Variants in CXCL13 observed in about 807,000 individuals in gnomAD.
CXCL13 encodes the protein C-X-C motif chemokine 13.
Under a neutral mutation model 12.2 loss-of-function variants are expected in CXCL13, and 7 were observed. The ratio of observed to expected loss-of-function variants is 0.57; its 90% CI spans 0.33 to 1.07. The LOEUF is 1.07. Among genes scored for constraint, CXCL13 ranks in the 50% least tolerant of loss-of-function variants. The pLI, the probability that CXCL13 is intolerant of heterozygous loss-of-function variation, is 0.04. For synonymous variants in CXCL13, 47 were observed against 42.4 expected (o/e 1.11, Z -0.42); for missense variants, 113 against 127.4 (o/e 0.89, Z 0.55).
intron 1 of CXCL13, among the ~76,000 whole-genome samples, chr4:77,532,579 T>A (rs1306185351): frequency 6.6e-6 from 1 of 152,188 alleles, no homozygotes; most frequent in African/African-American, 2.4e-5. Flanking sequence ...TTTCCTGAAT[T>A]TGAATGTTGG....
chr4:77,605,184 C>A (rs997152389), upstream of CXCL13, among the ~76,000 whole-genome samples: 1 of 152,176 alleles, frequency 6.6e-6, no homozygotes, highest in African/African-American at 2.4e-5. Context: ...TCCCTTCATG[C>A]AGACACAGGC....
chr4:77,524,551 C>G (rs902958564), intron 1 of CXCL13, among the ~76,000 whole-genome samples: 1 of 152,202 alleles, frequency 6.6e-6, no homozygotes, highest in Non-Finnish European at 1.5e-5. Context: ...ATCTTCTTGT[C>G]TGCCGGTGGC....
At chr4:77,576,332 C>CT (rs1726196157) in intron 1 of CXCL13, among the ~76,000 whole-genome samples, 1 of 152,130 alleles carries the variant, frequency 6.6e-6, no homozygotes, top group Non-Finnish European at 1.5e-5. Flanking sequence ...TATTTATGGC[C>CT]TTTAATAATT....
chr4:77,532,027 GA>G (rs1724940033), intron 1 of CXCL13, among the ~76,000 whole-genome samples: 1 of 152,118 alleles, frequency 6.6e-6, no homozygotes, highest in Admixed American at 6.6e-5. Flanking sequence ...CTTTTAATTG[GA>G]GCATTTAGCC....
chr4:77,525,968 T>A (rs1724754411), intron 1 of CXCL13, among the ~76,000 whole-genome samples: 1 of 151,568 alleles, frequency 6.6e-6, no homozygotes, highest in South Asian at 2.1e-4. Flanking sequence ...TAAATGCTAC[T>A]ACTGCAGGCC....
chr4:77,594,227 G>A (rs1726690300), intron 1 of CXCL13, among the ~76,000 whole-genome samples: 1 of 152,136 alleles, frequency 6.6e-6, no homozygotes, highest in South Asian at 2.1e-4. Context: ...CAGAGGACGA[G>A]AGGAGTGAGC....
chr4:77,552,428 G>A (rs1578050420), intron 1 of CXCL13, among the ~76,000 whole-genome samples: 1 of 152,326 alleles, frequency 6.6e-6, no homozygotes, highest in East Asian at 1.9e-4. Flanking sequence ...ACAAGCCATA[G>A]ATGGCACTTA....
intron 1 of CXCL13, among the ~76,000 whole-genome samples, chr4:77,535,283 A>C (rs1725033792): frequency 6.6e-6 from 1 of 152,206 alleles, no homozygotes; most frequent in Non-Finnish European, 1.5e-5. Flanking sequence ...AGGTGCCCTC[A>C]GTTGTGACAT....
At chr4:77,608,655 G>A (rs112338049) in intron 2 of CXCL13, among the ~76,000 whole-genome samples, 14 of 152,218 alleles carry the variant, frequency 9.2e-5, no homozygotes, top group African/African-American at 3.4e-4. Context: ...GTCACATTTT[G>A]TTACCAGTGC....
At chr4:77,532,974 G>A (rs1190314412) in intron 1 of CXCL13, among the ~76,000 whole-genome samples, 1 of 151,990 alleles carries the variant, frequency 6.6e-6, no homozygotes, top group African/African-American at 2.4e-5. Flanking sequence ...CTTTGCCATG[G>A]GTTTGAACTT....
At chr4:77,599,228 T>C (rs1440944520) in intron 1 of CXCL13, among the ~76,000 whole-genome samples, 1 of 152,214 alleles carries the variant, frequency 6.6e-6, no homozygotes, top group East Asian at 1.9e-4. Flanking sequence ...TCCGTGAGGA[T>C]TGGTTGCAAG....
intron 1 of CXCL13, among the ~76,000 whole-genome samples, chr4:77,535,112 G>A (rs1725028319): frequency 6.6e-6 from 1 of 152,122 alleles, no homozygotes; most frequent in Non-Finnish European, 1.5e-5. Context: ...CACAAAGAAG[G>A]AACTTCTTCC....
chr4:77,550,350 A>G (rs355673), intron 1 of CXCL13, among the ~76,000 whole-genome samples: 96,950 of 152,004 alleles, frequency 0.64, 33,329 homozygotes, highest in Non-Finnish European at 0.76. Flanking sequence ...GGCTGCTCCC[A>G]CTGTCCAGCC....
At chr4:77,590,265 G>A (rs1353959053) in intron 1 of CXCL13, among the ~76,000 whole-genome samples, 1 of 152,162 alleles carries the variant, frequency 6.6e-6, no homozygotes, top group East Asian at 1.9e-4. Context: ...TTAGAAACCA[G>A]TTTCCATAGG....
chr4:77,525,190 A>C (rs959677428), intron 1 of CXCL13, among the ~76,000 whole-genome samples: 1 of 152,192 alleles, frequency 6.6e-6, no homozygotes, highest in Non-Finnish European at 1.5e-5. Flanking sequence ...CAGCCTCCAG[A>C]ACAGTGAGCT....
intron 2 of CXCL13, among the ~76,000 whole-genome samples, chr4:77,608,745 G>A (rs1193948259): frequency 1.3e-5 from 2 of 152,186 alleles, no homozygotes; most frequent in South Asian, 2.1e-4. Flanking sequence ...TTTCACTAAC[G>A]TCTTTAACAA....
chr4:77,537,287 C>T (rs917375281), intron 1 of CXCL13, among the ~76,000 whole-genome samples: 1 of 152,124 alleles, frequency 6.6e-6, no homozygotes, highest in African/African-American at 2.4e-5. Context: ...GCTGTATGAA[C>T]ACGACTGCAG....
chr4:77,596,306 A>G (rs983706690), intron 1 of CXCL13, among the ~76,000 whole-genome samples: 7 of 152,248 alleles, frequency 4.6e-5, no homozygotes, highest in African/African-American at 1.7e-4. Context: ...TATGGCTATT[A>G]TCAAAAAGAC....
At chr4:77,579,680 T>C (rs532799552) in intron 1 of CXCL13, among the ~76,000 whole-genome samples, 1 of 152,098 alleles carries the variant, frequency 6.6e-6, no homozygotes, top group Non-Finnish European at 1.5e-5. Context: ...TTCTGATGAG[T>C]GCCAAGCCCT....
Sources: gnomAD v4.1 joint callset for allele counts (sites outside exome capture counted in the v4.1 genomes callset) on GRCh38, gnomAD v4.1.1 for gene constraint, MANE v1.5 for transcripts, NCBI Gene and HGNC (gene_info 2026-07-23, HGNC 2026-07-21) for gene names.